DDX25: variants seen among roughly 807,000 people sequenced by gnomAD.
The protein encoded by DDX25 is ATP-dependent RNA helicase DDX25.
DDX25 carries 70 observed loss-of-function variants against 64.6 expected under a neutral mutation model. The ratio of observed to expected loss-of-function variants is 1.08; its 90% confidence interval spans 0.89 to 1.32. The LOEUF (loss-of-function observed/expected upper bound fraction) is 1.32. DDX25 is among the 40% of genes most tolerant of loss of function. The pLI is 0.00. For missense variants in DDX25, 587 were observed against 604.4 expected, an observed-to-expected ratio of 0.97 and a Z score of 0.30; for synonymous variants, 211 against 213.3, an observed-to-expected ratio of 0.99 and a Z score of 0.09.
Position 125,906,217 on chromosome 11 carries a change from T to G in DDX25, c.311+8T>G. On this transcript the variant is annotated splice_region_variant and intron_variant, in intron 4 of 11. Coordinates refer to ENST00000263576, the MANE Select transcript of DDX25 (RefSeq NM_013264.5). The stretch of plus-strand genomic sequence containing the variant: ...ATTTGAAGAGCTGCGGCTGTGAGTA[T>G]TTTTACTCTTTTAATATGGGAAAAA... The G allele has an allele frequency of 6.5e-7, 1 of 1,530,512 alleles. No homozygotes were observed. The highest frequency in any genetic ancestry group is 8.8e-7 in the Non-Finnish European group (1 of 1,141,140). 94.8% of individuals were successfully genotyped at this position (1,530,512 alleles called of 1,614,324 possible).
chr11:125,913,615 G>GT (rs1340455368), intron 8 of DDX25, among the ~76,000 whole-genome samples: 2 of 151,740 alleles, frequency 1.3e-5, no homozygotes, highest in Non-Finnish European at 1.5e-5. Flanking sequence ...CCAAGCTTTT[G>GT]TTTATGACCT....
In DDX25 at chr11:125,924,587, C is replaced by CT. The variant is rs1231666931; in HGVS notation, c.*1709dup. 6.6e-6 allele frequency: 1 copy of CT among 152,270 alleles called. No individual in the cohort carries two copies. Among genetic ancestry groups the CT allele is most frequent in the African/African-American group, 2.4e-5 (1 of 41,456 alleles). The allele number at this position is 152,270 out of a possible 1,614,324, so 9.4% of individuals were successfully genotyped here. On this transcript the variant is annotated 3_prime_UTR_variant, in exon 12 of 12. Coordinates refer to ENST00000263576, the MANE Select transcript of DDX25 (RefSeq NM_013264.5). ...GCATGGACTTTGTACCACCCAGCAA[C>CT]TTTCTAACCTGAGTCTACGAGAGGA...
intron 8 of DDX25, among the ~76,000 whole-genome samples, chr11:125,912,514 G>T (rs984867137): frequency 3.9e-4 from 59 of 152,164 alleles, no homozygotes; most frequent in African/African-American, 1.3e-3. Context: ...TGTAGTATTT[G>T]CATGTAACTT....
intron 1 of DDX25, 70 bp downstream of exon 1, chr11:125,904,650 G>T: frequency 2.8e-6 from 4 of 1,405,624 alleles, no homozygotes. Flanking sequence ...GAGATCGGCT[G>T]GGAGGGGAGG....
At chr11:125,907,426 G>A (rs1419576782) in intron 4 of DDX25, among the ~76,000 whole-genome samples, 1 of 152,144 alleles carries the variant, frequency 6.6e-6, no homozygotes, top group Non-Finnish European at 1.5e-5. Flanking sequence ...GGCTAACACA[G>A]TGAAACCCCG....
chr11:125,907,724 A>G (rs1029721660), intron 4 of DDX25, among the ~76,000 whole-genome samples: 1 of 152,242 alleles, frequency 6.6e-6, no homozygotes, highest in Non-Finnish European at 1.5e-5. Flanking sequence ...ATGGAGTAAT[A>G]TTGTGTCTTC....
Position 125,924,732 on chromosome 11 carries a change from C to G in DDX25, c.*1851C>G, listed in dbSNP as rs1478081233. ...GGGCAGAGCCCAGAAATACCCACTTCCATAAGGGAGCCGCAAGTGCAGGTA... is the reference window on the plus strand; with the variant it reads ...GGGCAGAGCCCAGAAATACCCACTTGCATAAGGGAGCCGCAAGTGCAGGTA... On this transcript the variant is annotated 3_prime_UTR_variant, in exon 12 of 12. Transcript: ENST00000263576. 1.3e-5 allele frequency: 2 copies of G among 152,338 alleles called. No homozygotes were observed. Among genetic ancestry groups the G allele is most frequent in the African/African-American group, 4.8e-5 (2 of 41,460 alleles). 9.4% of individuals were successfully genotyped at this position (152,338 alleles called of 1,614,324 possible). A position where few individuals can be genotyped will look rare whatever the true frequency, so the allele number is the denominator to read the frequency against.
chr11:125,918,053 AT>A (rs1945061831), intron 9 of DDX25, among the ~76,000 whole-genome samples: 1 of 151,514 alleles, frequency 6.6e-6, no homozygotes, highest in African/African-American at 2.4e-5. Context: ...TAATTTTTGT[AT>A]TTTTTTAGTA....
At position 125,908,255 on chromosome 11, in the gene DDX25, A is replaced by T; in HGVS notation, c.371A>T (p.Gln124Leu). ...GGATTTAATAGGCCATCTAAAATCC[A>T]AGAGATGGCTCTCCCTATGATGCTG... ...AMGFNRPSKI[Q>L]EMALPMMLAH... Residue 124 changes from glutamine to leucine, a missense_variant, in exon 5 of 12, where the codon CAA becomes CTA. Transcript: ENST00000263576. 6.2e-7 allele frequency: 1 copy of T among 1,613,716 alleles called. No individual in the cohort carries two copies. Among genetic ancestry groups the T allele is most frequent in the Non-Finnish European group, 8.5e-7 (1 of 1,179,732 alleles).
intron 4 of DDX25, among the ~76,000 whole-genome samples, chr11:125,906,741 G>A (rs1236832248): frequency 4.8e-5 from 7 of 146,804 alleles, no homozygotes; most frequent in African/African-American, 1.3e-4. Context: ...TAGGAGAATC[G>A]CCTGAACCCA....
At chr11:125,907,539 T>G (rs190732462) in intron 4 of DDX25, among the ~76,000 whole-genome samples, 1 of 150,450 alleles carries the variant, frequency 6.6e-6, no homozygotes, top group Non-Finnish European at 1.5e-5. Flanking sequence ...ACCCGGGAGG[T>G]GGAGCTTGCA....
intron 8 of DDX25, 126 bp from the exon 9 acceptor site, chr11:125,916,888 G>A: frequency 2.3e-6 from 2 of 853,710 alleles, no homozygotes; most frequent in Non-Finnish European, 3.7e-6. Context: ...AGATACAGCT[G>A]GTCATTGCAG....
Position 125,925,658 on chromosome 11 carries a change from T to G in DDX25, c.*2777T>G, listed in dbSNP as rs1945160365. On this transcript the variant is annotated 3_prime_UTR_variant, in exon 12 of 12. Coordinates refer to ENST00000263576, the MANE Select transcript of DDX25 (RefSeq NM_013264.5). Reference sequence around the variant, plus strand: ...CTAAACCAAATCCGTTAAGTTTATCTTGGCCAGCTTAATACTGTTAGCATA... The same window carrying G: ...CTAAACCAAATCCGTTAAGTTTATCGTGGCCAGCTTAATACTGTTAGCATA... 2.8e-6 allele frequency: 1 copy of G among 351,922 alleles called. No homozygotes were observed. Among genetic ancestry groups the G allele is most frequent in the Non-Finnish European group, 5.7e-6 (1 of 174,262 alleles). 21.8% of individuals were successfully genotyped at this position (351,922 alleles called of 1,614,324 possible).
At position 125,918,721 on chromosome 11, in the gene DDX25, G is replaced by A; in HGVS notation, c.1132G>A (p.Ala378Thr). ...LSGELTVEQR[A>T]SIIQRFRDGK... ...CGGGGAGCTGACCGTGGAGCAGCGA[G>A]CTTCCATCATTCAGAGGTTTCGGGA... is the stretch of plus-strand genomic sequence containing the variant. Residue 378 changes from alanine (A) to threonine (T), a missense_variant, in exon 10 of 12, where the codon GCT becomes ACT. Transcript: ENST00000263576. 1 of 1,613,388 alleles carries A rather than the reference G, an allele frequency of 6.2e-7. No homozygotes were observed. The highest frequency in any genetic ancestry group is 1.3e-5 in the African/African-American group (1 of 75,050).
Position 125,904,711 on chromosome 11 carries a change from CG to C in DDX25, c.63+134del, listed in dbSNP as rs552392152. On this transcript the variant is annotated intron_variant, in intron 1 of 11. Coordinates refer to ENST00000263576, the MANE Select transcript of DDX25 (RefSeq NM_013264.5). ...GGCGTCAGATGCTGGAGGGGAGATG[CG>C]GGAAGGGTTTGGAAGAGGGCCACAG... 70 of 1,108,432 alleles carry C rather than the reference CG, an allele frequency of 6.3e-5. No individual in the cohort carries two copies. In the African/African-American group the frequency reaches 7.9e-4, roughly 12 times the overall value. The allele number at this position is 1,108,432 out of a possible 1,614,324, so 68.7% of individuals were successfully genotyped here. A position where few individuals can be genotyped will look rare whatever the true frequency, so the allele number is the denominator to read the frequency against.
chr11:125,903,340 G>A, upstream of DDX25: 1 of 586,208 alleles, frequency 1.7e-6, no homozygotes, highest in Non-Finnish European at 2.1e-6. Flanking sequence ...TCCAGCTACC[G>A]TTTCTCCGCC....
intron 6 of DDX25, 55 bp downstream of exon 6, chr11:125,908,558 G>C: frequency 6.7e-7 from 1 of 1,481,878 alleles, no homozygotes; most frequent in South Asian, 1.1e-5. Flanking sequence ...TGCTAATTTA[G>C]TAATAGGTGA....
intron 4 of DDX25, among the ~76,000 whole-genome samples, chr11:125,907,382 G>T (rs113879365): frequency 6.6e-6 from 1 of 152,154 alleles, no homozygotes; most frequent in South Asian, 2.1e-4. Flanking sequence ...GCCAAGGGGG[G>T]CGGATCACGA....
At chr11:125,909,438 C>T (rs548680739) in intron 6 of DDX25, among the ~76,000 whole-genome samples, 4 of 152,258 alleles carry the variant, frequency 2.6e-5, no homozygotes, top group African/African-American at 9.6e-5. Context: ...CTAATTGACA[C>T]ATATAAGTGC....
Sources: gnomAD v4.1 joint callset for allele counts (sites outside exome capture counted in the v4.1 genomes callset) on GRCh38, gnomAD v4.1.1 for gene constraint, MANE v1.5 for transcripts, NCBI Gene and HGNC (gene_info 2026-07-23, HGNC 2026-07-21) for gene names.